Variants in GNAS observed in about 807,000 individuals in gnomAD.
GNAS encodes the protein protein ALEX.
In GNAS, 8 loss-of-function variants were observed where a neutral mutation model predicts 54.5. That is an observed-to-expected ratio of 0.15 (90% CI 0.09 to 0.26). The LOEUF (loss-of-function observed/expected upper bound fraction) is 0.26. Ranked by LOEUF, GNAS falls within the 10% of genes least tolerant of loss-of-function variation. The pLI, the probability that GNAS is intolerant of heterozygous loss-of-function variation, is 1.00. For synonymous variants in GNAS, 204 were observed against 191.4 expected (o/e 1.07, Z -0.54); for missense variants, 170 against 529.8 (o/e 0.32, Z 6.67).
chr20:58,869,700 A>T (rs1282711966), intron 1 of GNAS, among the ~76,000 whole-genome samples: 1 of 152,104 alleles, frequency 6.6e-6, no homozygotes, highest in Non-Finnish European at 1.5e-5. Flanking sequence ...GTTTTTCAGG[A>T]TCTCTGAGAC....
At chr20:58,907,951 G>C (rs556060246) in intron 6 of GNAS, among the ~76,000 whole-genome samples, 8 of 152,358 alleles carry the variant, frequency 5.3e-5, no homozygotes, top group Admixed American at 3.3e-4. Context: ...ATTTGGTGCT[G>C]ATGATCTATT....
At chr20:58,889,511 A>C, upstream of GNAS, 4 of 216,230 alleles carry the variant, frequency 1.8e-5, no homozygotes, top group Non-Finnish European at 3.1e-5. Context: ...TCTCTTCTCC[A>C]TTGGCGTGCC....
rs60022134 is a variant in GNAS, at chr20:58,902,725, CTTTTTTT to C, written c.258-784_258-778del. On this transcript the variant is annotated intron_variant, in intron 3 of 12. Coordinates refer to ENST00000371085, the MANE Select transcript of GNAS (RefSeq NM_000516.7). The stretch of plus-strand genomic sequence containing the variant: ...AGTGCCTGGAGCATCGCACATACGA[CTTTTTTT>C]TTTTTTTTTTTTTTTTTTTTTGACA... Among the ~76,000 whole-genome samples, 126 of 69,504 alleles carry C rather than the reference CTTTTTTT, an allele frequency of 1.8e-3. 2 individuals carry two copies. The highest frequency in any genetic ancestry group is 7.9e-3 in the African/African-American group (119 of 15,010). 45.6% of individuals were successfully genotyped at this position (69,504 alleles called of 152,430 possible). A position where few individuals can be genotyped will look rare whatever the true frequency, so the allele number is the denominator to read the frequency against.
At chr20:58,855,899 T>C in intron 1 of GNAS, 4 of 511,756 alleles carry the variant, frequency 7.8e-6, no homozygotes, top group Non-Finnish European at 1.4e-5. Context: ...GTACTTGTAC[T>C]TGGGAACGGG....
At chr20:58,859,963 G>A (rs2086698238) in intron 1 of GNAS, among the ~76,000 whole-genome samples, 2 of 143,442 alleles carry the variant, frequency 1.4e-5, no homozygotes, top group South Asian at 4.2e-4. Context: ...GTAGGTAAAG[G>A]ATCACAAATT....
intron 6 of GNAS, among the ~76,000 whole-genome samples, chr20:58,905,700 A>G (rs2090996767): frequency 1.3e-5 from 2 of 152,318 alleles, no homozygotes; most frequent in South Asian, 4.1e-4. Flanking sequence ...TATTTTACAT[A>G]AACATTTAAA....
intron 1 of GNAS, chr20:58,854,250 C>T: frequency 1.2e-6 from 2 of 1,613,276 alleles, no homozygotes; most frequent in South Asian, 1.1e-5. Context: ...GGACAGCCCC[C>T]CAATCGCGCT....
chr20:58,853,176 A>T lies in GNAS; in HGVS notation c.43+12290A>T. 1 of 1,444,538 alleles carries T rather than the reference A, an allele frequency of 6.9e-7. No homozygotes were observed. The highest frequency in any genetic ancestry group is 9.1e-7 in the Non-Finnish European group (1 of 1,099,064). 89.5% of individuals were successfully genotyped at this position (1,444,538 alleles called of 1,614,324 possible). A position where few individuals can be genotyped will look rare whatever the true frequency, so the allele number is the denominator to read the frequency against. On this transcript the variant is annotated intron_variant, in intron 1 of 12. Transcript: ENST00000306090. This position sits in a 1 kb window ranked among gnomAD's most constrained non-coding sequence, Gnocchi z 4.4. ...CTTTCCAGCTGGTACTTTGATTTTA[A>T]AATAATAATAATAATTTTTTCACCC...
chr20:58,894,879 G>A (rs1357510313), intron 1 of GNAS, among the ~76,000 whole-genome samples: 3 of 152,156 alleles, frequency 2.0e-5, no homozygotes, highest in Admixed American at 2.0e-4. Context: ...TTAAAGTGTG[G>A]TTTTTCCAGA....
At chr20:58,893,032 T>G (rs964554375) in intron 1 of GNAS, among the ~76,000 whole-genome samples, 4 of 149,854 alleles carry the variant, frequency 2.7e-5, no homozygotes, top group African/African-American at 4.9e-5. Flanking sequence ...CATTTGTCTG[T>G]AAATGGCTTC....
rs952994698 is a variant in GNAS, at chr20:58,854,407, C to T, written c.43+13521C>T. On this transcript the variant is annotated intron_variant, in intron 1 of 12. Transcript: ENST00000306090. Reference sequence around the variant, plus strand: ...GTACCCTCTCCGGGGTACGGATCCCCTGCCGCCGGGGCAGCCTCAGCGGAT... The same window carrying T: ...GTACCCTCTCCGGGGTACGGATCCCTTGCCGCCGGGGCAGCCTCAGCGGAT... The T allele has an allele frequency of 4.5e-6, 7 of 1,566,602 alleles. No individual in the cohort carries two copies. Among genetic ancestry groups the T allele is most frequent in the Middle Eastern group, 1.7e-4 (1 of 6,024 alleles).
At chr20:58,855,658 T>TGCCGGGGAGGG in intron 1 of GNAS, 1 of 546,278 alleles carries the variant, frequency 1.8e-6, no homozygotes, top group Non-Finnish European at 3.6e-6. Context: ...AGCCAGGAAC[T>TGCCGGGGAGGG]GCCGGGGAGG....
intron 3 of GNAS, 39 bp from the exon 4 acceptor site, chr20:58,903,492 G>C: frequency 6.5e-7 from 1 of 1,529,982 alleles, no homozygotes; most frequent in African/African-American, 1.4e-5. Flanking sequence ...AACTGACATG[G>C]TGCAATATGA....
At chr20:58,855,785 G>C in intron 1 of GNAS, 2 of 611,694 alleles carry the variant, frequency 3.3e-6, no homozygotes, top group Non-Finnish European at 5.9e-6. Context: ...CAGACAGCTT[G>C]TCGTTGGTGT....
At position 58,909,897 on chromosome 20, in the gene GNAS, C is replaced by T; in HGVS notation, c.840-54C>T. The stretch of plus-strand genomic sequence containing the variant: ...AGAACCCCGTGCAAGCATTCCAGAC[C>T]CCTGGCCGAAAGCGCGCTTCTCCCA... On this transcript the variant is annotated intron_variant, in intron 10 of 12. Transcript: ENST00000371085. The surrounding 1 kb of genome is among the most constrained non-coding windows in gnomAD (Gnocchi z 7.3). 9 of 1,613,120 alleles carry T rather than the reference C, an allele frequency of 5.6e-6. No individual in the cohort carries two copies. The highest frequency in any genetic ancestry group is 7.6e-6 in the Non-Finnish European group (9 of 1,179,528).
Position 58,910,435 on chromosome 20 carries a change from TTCC to T in GNAS, c.1038+40_1038+42del, listed in dbSNP as rs747275541. 64 of 1,477,210 alleles carry T rather than the reference TTCC, an allele frequency of 4.3e-5. No individual in the cohort carries two copies. The highest frequency in any genetic ancestry group is 4.0e-5 in the Non-Finnish European group (42 of 1,055,250). The allele number at this position is 1,477,210 out of a possible 1,614,324, so 91.5% of individuals were successfully genotyped here. On this transcript the variant is annotated intron_variant, in intron 12 of 12. Transcript: ENST00000371085. This position sits in a 1 kb window ranked among gnomAD's most constrained non-coding sequence, Gnocchi z 5.8. ...AGCCTGTCTTTAGTTTCCTCTCTTG[TTCC>T]TCCTCTTTTTCTCATGGATGTAAAT...
Position 58,891,660 on chromosome 20 carries a change from C to T in GNAS, c.-67C>T, listed in dbSNP as rs961546793. On this transcript the variant is annotated 5_prime_UTR_variant, in exon 1 of 13. Transcript: ENST00000371085. ...CCGGCGCTGCCCCGGCCCTCCCGGCCCGCGTGAGGCCGCCCGCGCCCGCCG... is the reference window on the plus strand; with the variant it reads ...CCGGCGCTGCCCCGGCCCTCCCGGCTCGCGTGAGGCCGCCCGCGCCCGCCG... 1.1e-4 allele frequency: 111 copies of T among 972,318 alleles called. No homozygotes were observed. Among genetic ancestry groups the T allele is most frequent in the Non-Finnish European group, 1.2e-4 (100 of 823,886 alleles). 60.2% of individuals were successfully genotyped at this position (972,318 alleles called of 1,614,324 possible).
intron 1 of GNAS, chr20:58,854,803 C>A: frequency 6.3e-7 from 1 of 1,583,656 alleles, no homozygotes; most frequent in Non-Finnish European, 8.5e-7. Flanking sequence ...GTCCGCCGGG[C>A]GGCCTCTGCA....
At chr20:58,900,167 A>G (rs2090477400) in intron 3 of GNAS, 2 of 582,808 alleles carry the variant, frequency 3.4e-6, no homozygotes. Context: ...GAAATGTAGT[A>G]TGACAACTAT....
Sources: allele counts gnomAD v4.1 joint callset (sites outside exome capture counted in the v4.1 genomes callset), GRCh38; gene constraint gnomAD v4.1.1; non-coding constraint Gnocchi (gnomAD v3.1); transcripts MANE v1.5; gene names NCBI Gene and HGNC (gene_info 2026-07-23, HGNC 2026-07-21).